Variants in EEF2K observed in about 807,000 individuals in gnomAD.
The protein encoded by EEF2K is alternative protein EEF2K.
A neutral mutation model predicts 93.8 loss-of-function variants in EEF2K; 70 were observed. That is an observed-to-expected ratio of 0.75 (90% CI 0.62 to 0.91). The LOEUF is 0.91. Among genes scored for constraint, EEF2K ranks in the 40% least tolerant of loss-of-function variants. The pLI is 0.00. For synonymous variants in EEF2K, 376 were observed against 380.8 expected (o/e 0.99, Z 0.15); for missense variants, 935 against 972.9 (o/e 0.96, Z 0.52).
chr16:22,266,297 CA>C, intron 13 of EEF2K, 92 bp from the exon 14 acceptor site: 1 of 1,502,518 alleles, frequency 6.7e-7, no homozygotes, highest in Non-Finnish European at 8.9e-7. Flanking sequence ...CATCTCCCTC[CA>C]GCCAGGCTCC....
At chr16:22,209,518 TAC>T (rs539860301) in intron 1 of EEF2K, among the ~76,000 whole-genome samples, 198 of 152,318 alleles carry the variant, frequency 1.3e-3, no homozygotes, top group Non-Finnish European at 2.2e-3. Flanking sequence ...GTCCAGTTCT[TAC>T]ACCTGAAGCA....
intron 2 of EEF2K, among the ~76,000 whole-genome samples, chr16:22,233,524 CA>C (rs367738103): frequency 2.7e-3 from 346 of 128,500 alleles, no homozygotes; most frequent in Non-Finnish European, 2.9e-3. Context: ...ACTAAAAATA[CA>C]AAAAAAAAAA....
At chr16:22,269,608 G>T (rs1211830174) in intron 15 of EEF2K, among the ~76,000 whole-genome samples, 1 of 151,948 alleles carries the variant, frequency 6.6e-6, no homozygotes, top group African/African-American at 2.4e-5. Context: ...CACCATGTTG[G>T]CCAGGCTGGT....
intron 2 of EEF2K, among the ~76,000 whole-genome samples, chr16:22,235,608 C>T: frequency 6.6e-6 from 1 of 152,040 alleles, no homozygotes; most frequent in African/African-American, 2.4e-5. Flanking sequence ...AGTGATTCTC[C>T]AGCTTCAGCC....
intron 1 of EEF2K, among the ~76,000 whole-genome samples, chr16:22,220,687 T>C (rs2047003308): frequency 6.6e-6 from 1 of 152,216 alleles, no homozygotes; most frequent in East Asian, 1.9e-4. Context: ...TCAAGCGATC[T>C]GCCCACCTTG....
At chr16:22,252,338 T>C (rs1247468449) in intron 6 of EEF2K, among the ~76,000 whole-genome samples, 1 of 152,216 alleles carries the variant, frequency 6.6e-6, no homozygotes, top group Non-Finnish European at 1.5e-5. Context: ...GGTGTTCTTC[T>C]GGGTTGGCGT....
chr16:22,286,571 A>G lies in EEF2K; in HGVS notation c.*2575A>G, dbSNP rs1844019984. On this transcript the variant is annotated 3_prime_UTR_variant, in exon 18 of 18. Transcript: ENST00000263026. ...CTGCTGTTGTAATGTAAAAGCTGCCACAGACACTACATGAACACGAATGAG... is the reference window on the plus strand; with the variant it reads ...CTGCTGTTGTAATGTAAAAGCTGCCGCAGACACTACATGAACACGAATGAG... 6.6e-6 allele frequency: 1 copy of G among 152,262 alleles called. No individual in the cohort carries two copies. Among genetic ancestry groups the G allele is most frequent in the Admixed American group, 6.5e-5 (1 of 15,286 alleles). The allele number at this position is 152,262 out of a possible 1,614,324, so 9.4% of individuals were successfully genotyped here. A position where few individuals can be genotyped will look rare whatever the true frequency, so the allele number is the denominator to read the frequency against.
At chr16:22,266,599 A>G in intron 14 of EEF2K, 75 bp downstream of exon 14, 1 of 1,595,706 alleles carries the variant, frequency 6.3e-7, no homozygotes, top group Non-Finnish European at 8.5e-7. Context: ...TCCTCCGCTA[A>G]TCACTTCCTC....
intron 2 of EEF2K, among the ~76,000 whole-genome samples, chr16:22,237,752 T>A (rs1185918596): frequency 2.0e-5 from 3 of 152,212 alleles, no homozygotes; most frequent in African/African-American, 7.2e-5. Context: ...TGAGGTCTCT[T>A]TGAGCAACTT....
At chr16:22,217,218 G>T (rs78124868) in intron 1 of EEF2K, among the ~76,000 whole-genome samples, 15,350 of 125,582 alleles carry the variant, frequency 0.12, 1,012 homozygotes, top group East Asian at 0.45. Flanking sequence ...GATATATATA[G>T]ATAGATAGAT....
At position 22,260,479 on chromosome 16, in the gene EEF2K, G is replaced by C; in HGVS notation, c.1249G>C (p.Asp417His). 6.2e-7 allele frequency: 1 copy of C among 1,614,142 alleles called. No individual in the cohort carries two copies. Reference protein sequence around the residue: ...LDHLHWPVFSDLDNMASRDHD... With the variant: ...LDHLHWPVFSHLDNMASRDHD... ...CTGCCCAGATTGGCCAGTGTTCAGT[G>C]ACCTCGATAACATGGCATCCAGAGA... is the stretch of plus-strand genomic sequence containing the variant. The change falls in exon 11 of 18, where the codon GAC (aspartate) becomes CAC (histidine). Residue 417 changes from aspartate (D) to histidine (H), a missense_variant. Transcript: ENST00000263026.
At chr16:22,247,981 A>C (rs1164082097) in intron 3 of EEF2K, among the ~76,000 whole-genome samples, 2 of 152,136 alleles carry the variant, frequency 1.3e-5, no homozygotes, top group East Asian at 3.8e-4. Flanking sequence ...GAGACCAGTT[A>C]TGATCAGCAT....
rs539214050 is a variant in EEF2K, at chr16:22,245,268, AAAAAT to A, written c.347+554_347+558del. Among the ~76,000 whole-genome samples the A allele has an allele frequency of 9.8e-4, 149 of 152,278 alleles. 1 individual carries two copies. Among genetic ancestry groups the A allele is most frequent in the African/African-American group, 2.3e-3 (96 of 41,556 alleles). On this transcript the variant is annotated intron_variant, in intron 3 of 17. Coordinates refer to ENST00000263026, the MANE Select transcript of EEF2K (RefSeq NM_013302.5). ...GGGCGTCAGAGTAACACTCCATGTCAAAAATAAAATAAAATAAAATTGTTGCAAAT... is the reference window on the plus strand; with the variant it reads ...GGGCGTCAGAGTAACACTCCATGTCAAAAATAAAATAAAATTGTTGCAAAT...
At chr16:22,220,906 A>AT (rs2047005714) in intron 1 of EEF2K, among the ~76,000 whole-genome samples, 2 of 152,204 alleles carry the variant, frequency 1.3e-5, no homozygotes, top group South Asian at 4.1e-4. Flanking sequence ...GTCAGCAGGG[A>AT]TTCTGGCCAA....
chr16:22,264,892 T>C lies in EEF2K; in HGVS notation c.1440+12T>C. 1 of 1,613,960 alleles carries C rather than the reference T, an allele frequency of 6.2e-7. No individual in the cohort carries two copies. Among genetic ancestry groups the C allele is most frequent in the Middle Eastern group, 1.7e-4 (1 of 6,054 alleles). ...GCAGCTCTGGACGGGTAATGCGCCC[T>C]GAGGCACCCTTGTCTCTGCCTCTTC... On this transcript the variant is annotated intron_variant, in intron 13 of 17. Transcript: ENST00000263026.
intron 1 of EEF2K, among the ~76,000 whole-genome samples, chr16:22,222,638 G>A (rs1260598494): frequency 2.7e-5 from 4 of 150,634 alleles, no homozygotes; most frequent in Admixed American, 1.3e-4. Context: ...GGGAGGCTGA[G>A]GTGGGCAGAT....
chr16:22,249,036 C>T (rs1282244131), intron 4 of EEF2K, among the ~76,000 whole-genome samples: 1 of 147,248 alleles, frequency 6.8e-6, no homozygotes, highest in Non-Finnish European at 1.5e-5. Context: ...GTGGCACAGT[C>T]ACAGCTCACT....
At chr16:22,245,853 C>G (rs1016461896) in intron 3 of EEF2K, among the ~76,000 whole-genome samples, 1 of 152,110 alleles carries the variant, frequency 6.6e-6, no homozygotes, top group Admixed American at 6.5e-5. Context: ...AAATGTGTGG[C>G]GGTTTCTCCC....
chr16:22,249,571 G>A (rs974699113), intron 4 of EEF2K, among the ~76,000 whole-genome samples: 6 of 151,862 alleles, frequency 4.0e-5, no homozygotes, highest in African/African-American at 4.8e-5. Context: ...GATTACTTTT[G>A]CCTATTTTTT....
Sources: gnomAD v4.1 joint callset for allele counts (sites outside exome capture counted in the v4.1 genomes callset) on GRCh38, gnomAD v4.1.1 for gene constraint, MANE v1.5 for transcripts, NCBI Gene and HGNC (gene_info 2026-07-23, HGNC 2026-07-21) for gene names.